The following SGK1 variants were observed in gnomAD, a reference collection of about 807,000 sequenced individuals.
The protein encoded by SGK1 is serum/glucocorticoid regulated kinase 1.
In SGK1, 26 loss-of-function variants were observed where a neutral mutation model predicts 64.2. The observed-to-expected ratio is 0.40, with a 90% CI of 0.30 to 0.56. The LOEUF (loss-of-function observed/expected upper bound fraction) is 0.56. Among genes scored for constraint, SGK1 ranks in the 20% least tolerant of loss-of-function variants. SGK1 has a pLI of 0.38. For synonymous variants in SGK1, 265 were observed against 239.7 expected (o/e 1.11, Z -0.98); for missense variants, 519 against 645.6 (o/e 0.80, Z 2.12).
chr6:134,215,655 C>T (rs1007389229), intron 2 of SGK1, among the ~76,000 whole-genome samples: 5 of 151,442 alleles, frequency 3.3e-5, no homozygotes, highest in Non-Finnish European at 7.4e-5. Context: ...CCGAGGTGGG[C>T]GGATCACCTG....
intron 3 of SGK1, among the ~76,000 whole-genome samples, chr6:134,178,940 A>T (rs1038009273): frequency 6.6e-6 from 1 of 152,192 alleles, no homozygotes; most frequent in Admixed American, 6.5e-5. Context: ...TTCCCAGTGC[A>T]TGTGCATTTT....
At chr6:134,282,027 G>A (rs1016497255) in intron 1 of SGK1, among the ~76,000 whole-genome samples, 3 of 152,102 alleles carry the variant, frequency 2.0e-5, no homozygotes, top group Admixed American at 2.0e-4. Flanking sequence ...AGCCTTATAG[G>A]AAATGTATAA....
At chr6:134,249,722 C>T (rs1435635920) in intron 2 of SGK1, among the ~76,000 whole-genome samples, 1 of 152,144 alleles carries the variant, frequency 6.6e-6, no homozygotes, top group Non-Finnish European at 1.5e-5. Context: ...CAAGGCTTTG[C>T]TGTGTGCTGG....
At chr6:134,293,632 A>G (rs906606486) in intron 1 of SGK1, among the ~76,000 whole-genome samples, 2 of 152,212 alleles carry the variant, frequency 1.3e-5, no homozygotes, top group African/African-American at 4.8e-5. Context: ...TGGAATCCAC[A>G]TTGGTTATCT....
chr6:134,248,509 T>TGACATCCCACTCACTGTACAGTGAGTAC (rs1776559538), intron 2 of SGK1, among the ~76,000 whole-genome samples: 1 of 145,400 alleles, frequency 6.9e-6, no homozygotes, highest in South Asian at 2.2e-4. Flanking sequence ...TGGAGTACAG[T>TGACATCCCACTCACTGTACAGTGAGTAC]AGTGAAATCC....
At position 134,255,176 on chromosome 6, in the gene SGK1, T is replaced by TCTTTG. The variant is rs201456674; in HGVS notation, c.285+6752_285+6756dup. ...GAGCCACCGTGCCCGGCTACAAATCTCTTTGTTTTTAATCACTGTATAGTG... is the reference window on the plus strand; with the variant it reads ...GAGCCACCGTGCCCGGCTACAAATCTCTTTGCTTTGTTTTTAATCACTGTATAGTG... On this transcript the variant is annotated intron_variant, in intron 2 of 13. Transcript: ENST00000367858. Among the ~76,000 whole-genome samples, 600 of 152,168 alleles carry TCTTTG rather than the reference T, an allele frequency of 3.9e-3. 8 individuals carry two copies. Among genetic ancestry groups the TCTTTG allele is most frequent in the African/African-American group, 0.014 (585 of 41,542 alleles).
At chr6:134,274,024 G>C (rs1218656971) in intron 1 of SGK1, among the ~76,000 whole-genome samples, 2 of 151,284 alleles carry the variant, frequency 1.3e-5, no homozygotes, top group Non-Finnish European at 2.9e-5. Context: ...TTTTTTTTGA[G>C]ACAGAGTCTC....
intron 1 of SGK1, among the ~76,000 whole-genome samples, chr6:134,267,930 G>C (rs902853923): frequency 6.6e-6 from 1 of 152,162 alleles, no homozygotes; most frequent in African/African-American, 2.4e-5. Context: ...CCTTATACTG[G>C]CTTCAACGTG....
At chr6:134,244,709 G>A (rs977758428) in intron 2 of SGK1, among the ~76,000 whole-genome samples, 3 of 152,180 alleles carry the variant, frequency 2.0e-5, no homozygotes, top group Non-Finnish European at 4.4e-5. Flanking sequence ...GAAATCACTC[G>A]CCTTCTGCAT....
At position 134,270,979 on chromosome 6, in the gene SGK1, G is replaced by A. The variant is rs192913382; in HGVS notation, c.70-8831C>T. On this transcript the variant is annotated intron_variant, in intron 1 of 13. Coordinates refer to ENST00000367858, the MANE Select transcript of SGK1 (RefSeq NM_001143676.3). ...AAAGTGCAGGAATTCATCAACGTACGTTTTTCTTTGGAAATACAGGTGAAG... is the reference window on the plus strand; with the variant it reads ...AAAGTGCAGGAATTCATCAACGTACATTTTTCTTTGGAAATACAGGTGAAG... 1.3e-3 allele frequency among the ~76,000 whole-genome samples: 164 copies of A among 126,736 alleles called. 9 individuals carry two copies. Among genetic ancestry groups the A allele is most frequent in the South Asian group, 8.0e-3 (28 of 3,488 alleles). 83.1% of individuals were successfully genotyped at this position (126,736 alleles called of 152,430 possible).
intron 3 of SGK1, among the ~76,000 whole-genome samples, chr6:134,205,099 G>A (rs573124375): frequency 7.0e-4 from 107 of 152,210 alleles, no homozygotes; most frequent in Non-Finnish European, 8.8e-5. Flanking sequence ...TGCTGGTCAA[G>A]CACCATTTTC....
Position 134,177,639 on chromosome 6 carries a change from A to C in SGK1, c.362-3053T>G, listed in dbSNP as rs769439290. 15 of 1,607,646 alleles carry C rather than the reference A, an allele frequency of 9.3e-6. No homozygotes were observed. The African/African-American group carries it at 1.9e-4, about 20-fold the overall frequency. The stretch of plus-strand genomic sequence containing the variant: ...CCCCAAATCCTTTGAGGCATCTGCA[A>C]AATATAGTACGGTAAGTACGAACCT... On this transcript the variant is annotated intron_variant, in intron 3 of 13. Transcript: ENST00000367858.
At chr6:134,252,967 G>A (rs957982060) in intron 2 of SGK1, among the ~76,000 whole-genome samples, 9 of 152,102 alleles carry the variant, frequency 5.9e-5, no homozygotes, top group Non-Finnish European at 1.3e-4. Context: ...GCTGATTTAA[G>A]TATATTTTTT....
intron 1 of SGK1, among the ~76,000 whole-genome samples, chr6:134,293,850 G>A (rs1402857215): frequency 6.6e-6 from 1 of 152,126 alleles, no homozygotes; most frequent in Non-Finnish European, 1.5e-5. Flanking sequence ...GCAGACAAAT[G>A]GAAAGATAAA....
chr6:134,182,757 A>C (rs1249477314), intron 3 of SGK1, among the ~76,000 whole-genome samples: 1 of 152,218 alleles, frequency 6.6e-6, no homozygotes, highest in Non-Finnish European at 1.5e-5. Flanking sequence ...GAATTCCGTG[A>C]AAGGCCTGAA....
At chr6:134,230,784 C>T (rs1441324480) in intron 2 of SGK1, among the ~76,000 whole-genome samples, 1 of 152,206 alleles carries the variant, frequency 6.6e-6, no homozygotes, top group Non-Finnish European at 1.5e-5. Context: ...GAGGCCGAGG[C>T]AGGCAAATCA....
chr6:134,190,287 C>CTT lies in SGK1; in HGVS notation c.362-15703_362-15702dup, dbSNP rs757580358. On this transcript the variant is annotated intron_variant, in intron 3 of 13. Coordinates refer to ENST00000367858, the MANE Select transcript of SGK1 (RefSeq NM_001143676.3). ...TCATACATAGTTCCTTCCTTCCTTCCTTTTTTTTTTTTTTTTGAGATAGAG... is the reference window on the plus strand; with the variant it reads ...TCATACATAGTTCCTTCCTTCCTTCCTTTTTTTTTTTTTTTTTTGAGATAGAG... Among the ~76,000 whole-genome samples, 1,062 of 135,532 alleles carry CTT rather than the reference C, an allele frequency of 7.8e-3. 12 individuals are homozygous for CTT. The highest frequency in any genetic ancestry group is 0.027 in the African/African-American group (985 of 36,584). The allele number at this position is 135,532 out of a possible 152,430, so 88.9% of individuals were successfully genotyped here. A position where few individuals can be genotyped will look rare whatever the true frequency, so the allele number is the denominator to read the frequency against.
chr6:134,262,316 C>G (rs142436971), intron 1 of SGK1, among the ~76,000 whole-genome samples, 168 bp from the exon 2 acceptor site: 1 of 152,214 alleles, frequency 6.6e-6, no homozygotes, highest in Non-Finnish European at 1.5e-5. Context: ...CAATGCTGTT[C>G]AGTCTCTTTC....
chr6:134,190,969 C>T (rs1775500792), intron 3 of SGK1, among the ~76,000 whole-genome samples: 1 of 152,104 alleles, frequency 6.6e-6, no homozygotes, highest in Non-Finnish European at 1.5e-5. Context: ...ATGTTTTTGT[C>T]GAAGAGCAAT....
Sources: allele counts gnomAD v4.1 joint callset (sites outside exome capture counted in the v4.1 genomes callset), GRCh38; gene constraint gnomAD v4.1.1; transcripts MANE v1.5; gene names NCBI Gene and HGNC (gene_info 2026-07-23, HGNC 2026-07-21).